RASAL2: variants seen among roughly 807,000 people sequenced by gnomAD.
The protein encoded by RASAL2 is ras GTPase-activating protein nGAP.
In RASAL2, 58 loss-of-function variants were observed where a neutral mutation model predicts 128.9. The ratio of observed to expected loss-of-function variants is 0.45; its 90% CI spans 0.36 to 0.56. The LOEUF is 0.56. Ranked by LOEUF, RASAL2 falls within the 20% of genes least tolerant of loss-of-function variation. RASAL2 has a pLI of 0.00. For synonymous variants in RASAL2, 561 were observed against 580.8 expected (o/e 0.97, Z 0.49); for missense variants, 1,360 against 1,601.6 (o/e 0.85, Z 2.57).
intron 5 of RASAL2, among the ~76,000 whole-genome samples, chr1:178,426,158 G>A (rs1572052675): frequency 6.6e-6 from 1 of 152,024 alleles, no homozygotes; most frequent in East Asian, 1.9e-4. Flanking sequence ...GTAGATCCAA[G>A]AGAAATAAAA....
At chr1:178,454,301 T>C (rs938024214) in intron 11 of RASAL2, 146 bp from the exon 12 acceptor site, 8 of 606,376 alleles carry the variant, frequency 1.3e-5, no homozygotes, top group African/African-American at 9.3e-5. Context: ...AAGTATGTTA[T>C]AACATTTATC....
At position 178,456,788 on chromosome 1, in the gene RASAL2, C is replaced by G. The variant is rs755273059; in HGVS notation, c.2279C>G (p.Pro760Arg). 1 of 1,614,112 alleles carries G rather than the reference C, an allele frequency of 6.2e-7. No individual in the cohort carries two copies. The change falls in exon 13 of 18, where the codon CCT becomes CGT. Residue 760 changes from proline to arginine, a missense_variant. Physicochemically the swap from Pro to Arg is moderately radical, Grantham distance 103. This residue lies in a region of RASAL2 where 741 missense variants were observed against 868.6 expected (regional missense o/e 0.85). Transcript: ENST00000367649. The stretch of plus-strand genomic sequence containing the variant: ...GATATTACCAAGTCATTGACTAATC[C>G]TACGCCAATACAACAGCAACTGAGA... Reference protein sequence around the residue: ...LADITKSLTNPTPIQQQLRRF... With the variant: ...LADITKSLTNRTPIQQQLRRF...
chr1:178,460,928 C>G (rs1678154022), intron 14 of RASAL2, among the ~76,000 whole-genome samples: 1 of 152,136 alleles, frequency 6.6e-6, no homozygotes, highest in African/African-American at 2.4e-5. Context: ...GTTCTCCTGT[C>G]TCAGCCTCCT....
chr1:178,465,535 G>A (rs1297571005), intron 15 of RASAL2, among the ~76,000 whole-genome samples: 1 of 152,044 alleles, frequency 6.6e-6, no homozygotes, highest in Non-Finnish European at 1.5e-5. Flanking sequence ...AGACTTTTAA[G>A]TACTTCATCT....
chr1:178,131,072 A>G (rs1415340288), intron 1 of RASAL2, among the ~76,000 whole-genome samples: 1 of 150,964 alleles, frequency 6.6e-6, no homozygotes, highest in Non-Finnish European at 1.5e-5. Flanking sequence ...AACAAAAAAA[A>G]AACAAAAAAA....
chr1:178,262,795 A>AT (rs34832691), intron 1 of RASAL2, among the ~76,000 whole-genome samples: 7,980 of 133,278 alleles, frequency 0.06, 243 homozygotes, highest in Admixed American at 0.088. Flanking sequence ...CCCCCCACTC[A>AT]TTTTTTTTTT....
chr1:178,208,749 T>C (rs1663150539), intron 1 of RASAL2, among the ~76,000 whole-genome samples: 1 of 152,166 alleles, frequency 6.6e-6, no homozygotes, highest in Non-Finnish European at 1.5e-5. Flanking sequence ...CTCTCTGTTA[T>C]TACACCCCCT....
chr1:178,317,373 G>C (rs1414406550), intron 3 of RASAL2, among the ~76,000 whole-genome samples: 2 of 145,964 alleles, frequency 1.4e-5, no homozygotes, highest in African/African-American at 5.2e-5. Context: ...AATGGTACCA[G>C]TTCCTCCTTG....
chr1:178,106,940 G>A (rs1659109969), intron 1 of RASAL2, among the ~76,000 whole-genome samples: 1 of 152,072 alleles, frequency 6.6e-6, no homozygotes. Flanking sequence ...TTCTTTTCCT[G>A]TAGCTTAACT....
At chr1:178,211,757 T>G (rs1164844711) in intron 1 of RASAL2, among the ~76,000 whole-genome samples, 1 of 152,194 alleles carries the variant, frequency 6.6e-6, no homozygotes, top group Non-Finnish European at 1.5e-5. Flanking sequence ...CTTTCTCTCA[T>G]TCCCCATAGG....
chr1:178,267,250 C>T (rs1485299556), intron 1 of RASAL2, among the ~76,000 whole-genome samples: 1 of 152,152 alleles, frequency 6.6e-6, no homozygotes, highest in Non-Finnish European at 1.5e-5. Context: ...ACATATCTCT[C>T]TTAATTCCAA....
chr1:178,433,019 A>G (rs1012750199), intron 5 of RASAL2, among the ~76,000 whole-genome samples: 3 of 152,052 alleles, frequency 2.0e-5, no homozygotes, highest in Non-Finnish European at 4.4e-5. Context: ...TCAAATACCC[A>G]CACATGACTA....
intron 11 of RASAL2, among the ~76,000 whole-genome samples, chr1:178,453,736 A>G (rs1015541234): frequency 1.3e-5 from 2 of 152,094 alleles, no homozygotes; most frequent in African/African-American, 4.8e-5. Flanking sequence ...ATTCACATTT[A>G]CAGAACTGAC....
chr1:178,348,641 C>G (rs1299414996), intron 3 of RASAL2, among the ~76,000 whole-genome samples: 2 of 151,838 alleles, frequency 1.3e-5, no homozygotes, highest in African/African-American at 4.8e-5. Flanking sequence ...GTAAAAAGTT[C>G]AAGGAAAATA....
intron 1 of RASAL2, among the ~76,000 whole-genome samples, chr1:178,119,336 T>G (rs1450417929): frequency 6.6e-6 from 1 of 152,206 alleles, no homozygotes; most frequent in Non-Finnish European, 1.5e-5. Flanking sequence ...ATGTGTGTGT[T>G]CTACATCCAT....
chr1:178,469,161 G>A (rs902519074), intron 17 of RASAL2, among the ~76,000 whole-genome samples: 14 of 152,084 alleles, frequency 9.2e-5, no homozygotes, highest in South Asian at 2.1e-4. Context: ...GTCAGACATG[G>A]TGGCTCATGC....
At chr1:178,209,162 C>T (rs1289296263) in intron 1 of RASAL2, among the ~76,000 whole-genome samples, 1 of 152,014 alleles carries the variant, frequency 6.6e-6, no homozygotes, top group East Asian at 1.9e-4. Context: ...CCACCCCACA[C>T]ATATTTTGCT....
chr1:178,475,637 T>C lies in RASAL2; in HGVS notation c.*2398T>C, dbSNP rs1648620088. The stretch of plus-strand genomic sequence containing the variant: ...CAGAGGGCTGATAAAATTACTTATA[T>C]TGGGAATTGAGAGAAGCCCCAAAAA... On this transcript the variant is annotated 3_prime_UTR_variant, in exon 18 of 18. Coordinates refer to ENST00000367649, the MANE Select transcript of RASAL2 (RefSeq NM_170692.4). The C allele has an allele frequency of 6.6e-6, 1 of 152,208 alleles. No individual in the cohort carries two copies. 9.4% of individuals were successfully genotyped at this position (152,208 alleles called of 1,614,324 possible).
At chr1:178,179,412 C>G (rs1471246094) in intron 1 of RASAL2, among the ~76,000 whole-genome samples, 1 of 152,164 alleles carries the variant, frequency 6.6e-6, no homozygotes, top group Non-Finnish European at 1.5e-5. Context: ...TTCCACAATA[C>G]TCCTTTTCTT....
Sources: gnomAD v4.1 joint callset for allele counts (sites outside exome capture counted in the v4.1 genomes callset) on GRCh38, gnomAD v4.1.1 for gene constraint, gnomAD v4.1.1 regional missense constraint, MANE v1.5 for transcripts, NCBI Gene and HGNC (gene_info 2026-07-23, HGNC 2026-07-21) for gene names.